RIT2: variants seen among roughly 807,000 people sequenced by gnomAD.
RIT2 encodes the protein GTP-binding protein Rit2.
In RIT2, 24 loss-of-function variants were observed where a neutral mutation model predicts 23.7. The ratio of observed to expected loss-of-function variants is 1.01; its 90% CI spans 0.73 to 1.43. RIT2 has a LOEUF of 1.43. Ranked by LOEUF, RIT2 falls within the 40% of genes most tolerant of loss-of-function variation. RIT2 has a pLI of 0.00. For synonymous variants in RIT2, 107 were observed against 91.1 expected (o/e 1.17, Z -0.99); for missense variants, 236 against 266.9 (o/e 0.88, Z 0.81).
intron 4 of RIT2, among the ~76,000 whole-genome samples, chr18:42,868,169 C>A (rs1370656966): frequency 6.6e-6 from 1 of 152,186 alleles, no homozygotes; most frequent in Non-Finnish European, 1.5e-5. Flanking sequence ...TCCACACATT[C>A]TTTTTTAACT....
chr18:42,775,971 T>A (rs1913662538), intron 4 of RIT2, among the ~76,000 whole-genome samples: 1 of 152,116 alleles, frequency 6.6e-6, no homozygotes, highest in South Asian at 2.1e-4. Flanking sequence ...GTATCTTGCT[T>A]AAGGCAATAA....
At chr18:43,075,699 G>C (rs1277827656) in intron 1 of RIT2, among the ~76,000 whole-genome samples, 1 of 151,958 alleles carries the variant, frequency 6.6e-6, no homozygotes, top group Non-Finnish European at 1.5e-5. Flanking sequence ...TGGAATTGTG[G>C]TTGCAACCAC....
At chr18:42,748,115 G>A (rs1406411915) in intron 4 of RIT2, among the ~76,000 whole-genome samples, 2 of 151,912 alleles carry the variant, frequency 1.3e-5, no homozygotes, top group Admixed American at 1.3e-4. Context: ...CCACAGAGTG[G>A]GAGAAAATCT....
intron 1 of RIT2, among the ~76,000 whole-genome samples, chr18:43,078,115 T>G (rs1038607785): frequency 6.6e-6 from 1 of 152,204 alleles, no homozygotes; most frequent in Non-Finnish European, 1.5e-5. Flanking sequence ...TTGCAAACCA[T>G]GGACAGCTAA....
chr18:42,746,319 G>T (rs1912915738), intron 4 of RIT2, among the ~76,000 whole-genome samples: 1 of 152,022 alleles, frequency 6.6e-6, no homozygotes, highest in Non-Finnish European at 1.5e-5. Flanking sequence ...CAATATAAAT[G>T]CATTACAGTC....
chr18:42,974,067 C>A lies in RIT2; in HGVS notation c.234+7G>T, dbSNP rs756970488. ...AGAGATTGGAGAGGTTTAAGAACAT[C>A]ACCTACCTGGCCAGCAGTGTCCAAG... On this transcript the variant is annotated splice_region_variant and intron_variant, in intron 3 of 4. Transcript: ENST00000326695. 6.2e-6 allele frequency: 10 copies of A among 1,603,984 alleles called. No homozygotes were observed. Among genetic ancestry groups the A allele is most frequent in the South Asian group, 3.3e-5 (3 of 90,568 alleles).
chr18:42,937,586 T>C (rs1006145577), intron 3 of RIT2, among the ~76,000 whole-genome samples: 4 of 152,146 alleles, frequency 2.6e-5, no homozygotes, highest in Admixed American at 2.6e-4. Flanking sequence ...GGAGATGTGC[T>C]CTGGAAAGCA....
At chr18:42,851,717 G>C (rs940073033) in intron 4 of RIT2, among the ~76,000 whole-genome samples, 3 of 152,104 alleles carry the variant, frequency 2.0e-5, no homozygotes, top group African/African-American at 7.2e-5. Flanking sequence ...AGGCGTGGTG[G>C]CACATGCGTA....
intron 2 of RIT2, among the ~76,000 whole-genome samples, chr18:43,016,497 T>G (rs2144260497): frequency 6.6e-6 from 1 of 151,944 alleles, no homozygotes; most frequent in East Asian, 1.9e-4. Flanking sequence ...ATTCAGTCCC[T>G]TTTCATCATA....
At chr18:43,098,448 G>C (rs868603483) in intron 1 of RIT2, among the ~76,000 whole-genome samples, 2 of 151,884 alleles carry the variant, frequency 1.3e-5, no homozygotes, top group African/African-American at 2.4e-5. Context: ...TAGATAAAGA[G>C]AGAATAGTTG....
intron 4 of RIT2, among the ~76,000 whole-genome samples, chr18:42,874,069 T>A (rs1907686279): frequency 6.6e-6 from 1 of 152,126 alleles, no homozygotes; most frequent in Admixed American, 6.6e-5. Context: ...GGGAGCAAAT[T>A]ATGAATCAAC....
At chr18:42,757,493 C>A (rs1443875461) in intron 4 of RIT2, among the ~76,000 whole-genome samples, 1 of 152,026 alleles carries the variant, frequency 6.6e-6, no homozygotes, top group African/African-American at 2.4e-5. Context: ...GTAAGGCTTG[C>A]CATGAAAAGA....
At chr18:43,049,972 CT>C (rs755291383) in intron 1 of RIT2, among the ~76,000 whole-genome samples, 1,850 of 65,570 alleles carry the variant, frequency 0.028, 20 homozygotes, top group East Asian at 0.076. Flanking sequence ...AAGGGATTTC[CT>C]TTTTTTTTTT....
At chr18:42,871,828 T>C (rs1410777626) in intron 4 of RIT2, among the ~76,000 whole-genome samples, 1 of 152,130 alleles carries the variant, frequency 6.6e-6, no homozygotes, top group African/African-American at 2.4e-5. Flanking sequence ...AACTTAAGAG[T>C]GGTTAAGTAA....
chr18:42,907,912 T>C (rs187391710), intron 4 of RIT2, among the ~76,000 whole-genome samples: 5 of 151,422 alleles, frequency 3.3e-5, no homozygotes, highest in African/African-American at 1.2e-4. Flanking sequence ...GCCCAAGATA[T>C]AGAGGTTGTA....
In RIT2 at chr18:43,044,014, G is replaced by A. The variant is rs188618111; in HGVS notation, c.104-10147C>T. On this transcript the variant is annotated intron_variant, in intron 1 of 4. Coordinates refer to ENST00000326695, the MANE Select transcript of RIT2 (RefSeq NM_002930.4). ...AGGAAGCATGGCAGAACAGCACCCA[G>A]CACCTAGGCAGCCAAGCTGCTGAGC... Among the ~76,000 whole-genome samples the A allele has an allele frequency of 1.2e-3, 190 of 152,170 alleles. 1 individual carries two copies. Among genetic ancestry groups the A allele is most frequent in the Middle Eastern group, 6.8e-3 (2 of 294 alleles).
chr18:43,002,705 C>T (rs1911135373), intron 2 of RIT2, among the ~76,000 whole-genome samples: 1 of 151,938 alleles, frequency 6.6e-6, no homozygotes, highest in Non-Finnish European at 1.5e-5. Flanking sequence ...TTATAATCTA[C>T]TATAACACCT....
chr18:42,821,977 T>C (rs968551152), intron 4 of RIT2, among the ~76,000 whole-genome samples: 2 of 151,838 alleles, frequency 1.3e-5, no homozygotes, highest in African/African-American at 4.8e-5. Flanking sequence ...GGAGAGGGAG[T>C]TGTTCTATCT....
At chr18:42,925,309 G>T (rs117236391) in intron 3 of RIT2, among the ~76,000 whole-genome samples, 1 of 151,952 alleles carries the variant, frequency 6.6e-6, no homozygotes, top group Admixed American at 6.6e-5. Flanking sequence ...ATCCTATGTC[G>T]CAATCAAAAC....
Sources: gnomAD v4.1 joint callset for allele counts (sites outside exome capture counted in the v4.1 genomes callset) on GRCh38, gnomAD v4.1.1 for gene constraint, MANE v1.5 for transcripts, NCBI Gene and HGNC (gene_info 2026-07-23, HGNC 2026-07-21) for gene names.